The following CHN2 variants were observed in gnomAD, a reference collection of about 807,000 sequenced individuals.
CHN2 encodes chimerin 2.
CHN2 carries 35 observed loss-of-function variants against 56.3 expected under a neutral mutation model. The ratio of observed to expected loss-of-function variants is 0.62; its 90% CI spans 0.47 to 0.82. The LOEUF (loss-of-function observed/expected upper bound fraction) is 0.82. Among genes scored for constraint, CHN2 ranks in the 40% least tolerant of loss-of-function variants. The pLI is 0.00. For missense variants in CHN2, 491 were observed against 580.5 expected (o/e 0.85, Z 1.58); for synonymous variants, 210 against 212.8 (o/e 0.99, Z 0.12).
intron 6 of CHN2, among the ~76,000 whole-genome samples, chr7:29,464,091 G>A (rs1585486426): frequency 6.6e-6 from 1 of 152,318 alleles, no homozygotes; most frequent in East Asian, 1.9e-4. Context: ...ATTGTTCAGG[G>A]TACAGCAGGA....
intron 2 of CHN2, among the ~76,000 whole-genome samples, chr7:29,366,430 T>C (rs577961718): frequency 4.6e-5 from 7 of 151,894 alleles, no homozygotes; most frequent in African/African-American, 1.7e-4. Context: ...ACCAGGAGGG[T>C]GGTGCCATGG....
intron 1 of CHN2, among the ~76,000 whole-genome samples, chr7:29,295,333 A>ACACACACACACACG (rs1200038901): frequency 3.3e-5 from 5 of 151,914 alleles, no homozygotes; most frequent in Non-Finnish European, 5.9e-5. Flanking sequence ...ACACACACAC[A>ACACACACACACACG]CACACACACA....
intron 1 of CHN2, among the ~76,000 whole-genome samples, chr7:29,293,740 G>A (rs1792869292): frequency 1.3e-5 from 2 of 151,934 alleles, no homozygotes; most frequent in African/African-American, 2.4e-5. Context: ...TGCTACCTGC[G>A]CTCCTTTCCC....
chr7:29,504,069 A>G (rs1321354037), intron 9 of CHN2, among the ~76,000 whole-genome samples: 1 of 152,260 alleles, frequency 6.6e-6, no homozygotes, highest in Non-Finnish European at 1.5e-5. Flanking sequence ...GTTGTCTAAA[A>G]GTATAACAAG....
chr7:29,263,353 G>A (rs1192662694), intron 1 of CHN2, among the ~76,000 whole-genome samples: 1 of 152,204 alleles, frequency 6.6e-6, no homozygotes, highest in African/African-American at 2.4e-5. Context: ...AGGCTGGAGT[G>A]CAGTGGCGTG....
chr7:29,254,794 C>T (rs906515194), intron 1 of CHN2, among the ~76,000 whole-genome samples: 3 of 152,174 alleles, frequency 2.0e-5, no homozygotes, highest in Non-Finnish European at 4.4e-5. Flanking sequence ...AATGTGTCTG[C>T]TCCTCAGAGC....
At chr7:29,461,282 A>T (rs1234191835) in intron 6 of CHN2, among the ~76,000 whole-genome samples, 1 of 152,246 alleles carries the variant, frequency 6.6e-6, no homozygotes, top group African/African-American at 2.4e-5. Context: ...ACCACCATGT[A>T]GAACTTAGGG....
At chr7:29,294,157 C>T (rs1045858700) in intron 1 of CHN2, among the ~76,000 whole-genome samples, 1 of 152,096 alleles carries the variant, frequency 6.6e-6, no homozygotes, top group South Asian at 2.1e-4. Context: ...TGAGCCACGG[C>T]GCCCGGCCTG....
intron 1 of CHN2, among the ~76,000 whole-genome samples, chr7:29,249,106 G>A (rs1262237767): frequency 1.3e-5 from 2 of 152,054 alleles, no homozygotes; most frequent in Non-Finnish European, 2.9e-5. Context: ...TTTATTTGGG[G>A]GATTGGCTCT....
At chr7:29,455,102 C>T (rs1210077829) in intron 6 of CHN2, among the ~76,000 whole-genome samples, 2 of 152,242 alleles carry the variant, frequency 1.3e-5, no homozygotes, top group East Asian at 1.9e-4. Flanking sequence ...TGTTCTCCCA[C>T]CATGGCTGAT....
intron 6 of CHN2, among the ~76,000 whole-genome samples, chr7:29,459,330 CT>C (rs1344348516): frequency 6.6e-6 from 1 of 152,220 alleles, no homozygotes; most frequent in Non-Finnish European, 1.5e-5. Context: ...CTTTCTCTCA[CT>C]ATTCCTCCCT....
chr7:29,155,882 G>A (rs758282840), intron 2 of CHN2, among the ~76,000 whole-genome samples: 4 of 152,172 alleles, frequency 2.6e-5, no homozygotes, highest in Non-Finnish European at 4.4e-5. Context: ...CCACATCGGA[G>A]CGTCCTGTCA....
intron 2 of CHN2, among the ~76,000 whole-genome samples, chr7:29,178,931 AC>A (rs1298607969): frequency 6.6e-6 from 1 of 152,174 alleles, no homozygotes; most frequent in Non-Finnish European, 1.5e-5. Context: ...ACACTAACAC[AC>A]CATTTAAGGG....
At chr7:29,494,704 A>C (rs1278239594) in intron 7 of CHN2, among the ~76,000 whole-genome samples, 1 of 152,150 alleles carries the variant, frequency 6.6e-6, no homozygotes, top group Non-Finnish European at 1.5e-5. Flanking sequence ...TTTATTACAG[A>C]GTTATAAGTT....
At chr7:29,212,663 C>T (rs559704123) in intron 1 of CHN2, 5 of 1,461,814 alleles carry the variant, frequency 3.4e-6, no homozygotes, top group African/African-American at 2.8e-5. Context: ...ATACCTTAGC[C>T]TCCAGCAGAT....
chr7:29,505,014 G>A, intron 10 of CHN2, among the ~76,000 whole-genome samples, 193 bp downstream of exon 10: 1 of 152,136 alleles, frequency 6.6e-6, no homozygotes, highest in East Asian at 1.9e-4. Flanking sequence ...CCATTGATAA[G>A]TGATCACTGT....
intron 2 of CHN2, among the ~76,000 whole-genome samples, chr7:29,363,391 A>T (rs940720844): frequency 2.6e-5 from 4 of 152,198 alleles, no homozygotes; most frequent in Non-Finnish European, 5.9e-5. Context: ...AGGCTGAAGC[A>T]GGAGAATTGC....
chr7:29,427,609 T>C (rs1804994843), intron 6 of CHN2, among the ~76,000 whole-genome samples: 1 of 151,368 alleles, frequency 6.6e-6, no homozygotes, highest in South Asian at 2.1e-4. Flanking sequence ...GCTACTCATA[T>C]ATCTGTTGAC....
Position 29,162,058 on chromosome 7 carries a change from C to T in CHN2, c.274+15098C>T, listed in dbSNP as rs574514431. Among the ~76,000 whole-genome samples the T allele has an allele frequency of 6.6e-5, 10 of 152,292 alleles. No individual in the cohort carries two copies. In the East Asian group the frequency reaches 1.9e-3, roughly 29 times the overall value. ...GCATGGATGCAGGGAAACTGGATCT[C>T]TCAGACATCGCTGGTGGCAATGTTA... On this transcript the variant is annotated intron_variant, in intron 2 of 6. Transcript: ENST00000439384.
Sources: allele counts gnomAD v4.1 joint callset (sites outside exome capture counted in the v4.1 genomes callset), GRCh38; gene constraint gnomAD v4.1.1; transcripts MANE v1.5; gene names NCBI Gene and HGNC (gene_info 2026-07-23, HGNC 2026-07-21).